The following TRAPPC9 variants were observed in gnomAD, a reference collection of about 807,000 sequenced individuals.
The protein encoded by TRAPPC9 is IKK2 binding protein.
TRAPPC9 carries 83 observed loss-of-function variants against 124.0 expected under a neutral mutation model. The ratio of observed to expected loss-of-function variants is 0.67; its 90% CI spans 0.56 to 0.80. TRAPPC9 has a LOEUF of 0.80. TRAPPC9 is among the 30% of genes least tolerant of loss of function. The pLI is 0.00. For synonymous variants in TRAPPC9, 638 were observed against 617.5 expected (o/e 1.03, Z -0.49); for missense variants, 1,302 against 1,508.3 (o/e 0.86, Z 2.27).
rs555353736 is a variant in TRAPPC9, at chr8:140,284,682, C to A, written c.1982-661G>T. Among the ~76,000 whole-genome samples the A allele has an allele frequency of 3.3e-5, 5 of 152,262 alleles. No homozygotes were observed. In the East Asian group the frequency reaches 9.6e-4, roughly 29 times the overall value. On this transcript the variant is annotated intron_variant, in intron 13 of 22. Coordinates refer to ENST00000438773, the MANE Select transcript of TRAPPC9 (RefSeq NM_001160372.4). ...CACTCTGTAACAAAATTAAACAATA[C>A]CCCATGGCTAGATGCCTAGGGTGAC...
chr8:140,036,366 C>T (rs1840878602), intron 17 of TRAPPC9, among the ~76,000 whole-genome samples: 1 of 152,050 alleles, frequency 6.6e-6, no homozygotes, highest in Non-Finnish European at 1.5e-5. Flanking sequence ...ATGGAGTGAA[C>T]ATTGACGGTC....
chr8:140,001,540 A>G (rs1838404720), intron 18 of TRAPPC9, among the ~76,000 whole-genome samples: 1 of 152,208 alleles, frequency 6.6e-6, no homozygotes, highest in African/African-American at 2.4e-5. Flanking sequence ...AAAAAGATCA[A>G]TGTAATTGAT....
rs1173173422 is a variant in TRAPPC9, at chr8:139,755,623, G to T, written c.3056-23421C>A. ...AGGAGGAGCCAGGGTTGGGGTATAA[G>T]GACAGCAGGTCGCAGGAGGAGCCAG... On this transcript the variant is annotated intron_variant, in intron 21 of 22. Coordinates refer to ENST00000438773, the MANE Select transcript of TRAPPC9 (RefSeq NM_001160372.4). Among the ~76,000 whole-genome samples, 17 of 126,478 alleles carry T rather than the reference G, an allele frequency of 1.3e-4. 1 individual carries two copies. Among genetic ancestry groups the T allele is most frequent in the East Asian group, 2.4e-4 (1 of 4,152 alleles). 83.0% of individuals were successfully genotyped at this position (126,478 alleles called of 152,430 possible). A position where few individuals can be genotyped will look rare whatever the true frequency, so the allele number is the denominator to read the frequency against.
chr8:140,167,017 A>G (rs1423265658), intron 17 of TRAPPC9, among the ~76,000 whole-genome samples: 2 of 152,216 alleles, frequency 1.3e-5, no homozygotes, highest in African/African-American at 4.8e-5. Flanking sequence ...TCGCCATTAT[A>G]GTACTGAAGA....
chr8:140,257,692 T>C lies in TRAPPC9; in HGVS notation c.2279-4763A>G, dbSNP rs910513925. On this transcript the variant is annotated intron_variant, in intron 15 of 22. Coordinates refer to ENST00000438773, the MANE Select transcript of TRAPPC9 (RefSeq NM_001160372.4). This position sits in a 1 kb window ranked among gnomAD's most constrained non-coding sequence, Gnocchi z 4.6. ...CTACTGGAAATGTCTTCCCCTACCT[T>C]CTCTGCCTGGCTGGATTTTCTAGAG... Among the ~76,000 whole-genome samples the C allele has an allele frequency of 6.6e-5, 10 of 152,112 alleles. No individual in the cohort carries two copies. Among genetic ancestry groups the C allele is most frequent in the Admixed American group, 3.3e-4 (5 of 15,268 alleles).
At chr8:140,237,101 A>C (rs944712938) in intron 16 of TRAPPC9, among the ~76,000 whole-genome samples, 1 of 152,112 alleles carries the variant, frequency 6.6e-6, no homozygotes, top group Non-Finnish European at 1.5e-5. Flanking sequence ...GAATCACTTG[A>C]GCCTGGGAGG....
intron 13 of TRAPPC9, 52 bp from the exon 14 acceptor site, chr8:140,284,073 C>T (rs372475821): frequency 1.3e-5 from 21 of 1,611,116 alleles, no homozygotes; most frequent in African/African-American, 8.0e-5. Context: ...TTGGGTCTCA[C>T]GCCCACGGCT....
chr8:140,272,447 C>T (rs1173143840), intron 15 of TRAPPC9, among the ~76,000 whole-genome samples: 1 of 140,288 alleles, frequency 7.1e-6, no homozygotes, highest in Non-Finnish European at 1.6e-5. Context: ...GATGGTGGTG[C>T]TGGTGATGGC....
At chr8:139,749,082 G>A (rs1762016666) in intron 21 of TRAPPC9, among the ~76,000 whole-genome samples, 1 of 152,134 alleles carries the variant, frequency 6.6e-6, no homozygotes, top group African/African-American at 2.4e-5. Context: ...CAAGTTCAAG[G>A]CTGTCTGATC....
At chr8:139,855,059 T>C (rs1827716828) in intron 21 of TRAPPC9, among the ~76,000 whole-genome samples, 1 of 152,200 alleles carries the variant, frequency 6.6e-6, no homozygotes, top group Non-Finnish European at 1.5e-5. Flanking sequence ...CCATTATTTG[T>C]TCATGTCTCT....
chr8:140,215,031 G>C (rs527967396), intron 17 of TRAPPC9, among the ~76,000 whole-genome samples: 1 of 152,298 alleles, frequency 6.6e-6, no homozygotes. Context: ...TACAGCAATA[G>C]ATGTCCCCAC....
chr8:140,308,226 G>C (rs999348862), intron 10 of TRAPPC9, among the ~76,000 whole-genome samples: 1 of 151,888 alleles, frequency 6.6e-6, no homozygotes, highest in Non-Finnish European at 1.5e-5. Context: ...CAAGGAAATA[G>C]GGCGCTCACA....
chr8:140,146,208 A>G (rs539900461), intron 17 of TRAPPC9, among the ~76,000 whole-genome samples: 1 of 152,398 alleles, frequency 6.6e-6, no homozygotes, highest in East Asian at 1.9e-4. Context: ...ATGAGGCTAT[A>G]TCTAATAAAT....
intron 21 of TRAPPC9, among the ~76,000 whole-genome samples, chr8:139,807,244 T>C (rs1824130413): frequency 6.6e-6 from 1 of 152,168 alleles, no homozygotes. Flanking sequence ...GACACCATTG[T>C]TGCCAAGGCC....
chr8:140,018,324 A>ATTTTTTCTTTTTTTTTTTTTTTTTTT lies in TRAPPC9; in HGVS notation c.2699+5612_2699+5613insAAAAAAAAAAAAAAAAAAAGAAAAAA, dbSNP rs765656679. 1.3e-4 allele frequency among the ~76,000 whole-genome samples: 15 copies of ATTTTTTCTTTTTTTTTTTTTTTTTTT among 119,774 alleles called. 7 individuals are homozygous for ATTTTTTCTTTTTTTTTTTTTTTTTTT. Among genetic ancestry groups the ATTTTTTCTTTTTTTTTTTTTTTTTTT allele is most frequent in the African/African-American group, 2.3e-4 (7 of 30,664 alleles). The allele number at this position is 119,774 out of a possible 152,430, so 78.6% of individuals were successfully genotyped here. A position where few individuals can be genotyped will look rare whatever the true frequency, so the allele number is the denominator to read the frequency against. On this transcript the variant is annotated intron_variant, in intron 18 of 22. Transcript: ENST00000438773. ...TTGCTGGTATATAGAAACGTAAGTG[A>ATTTTTTCTTTTTTTTTTTTTTTTTTT]TTTTTTTTTTTTTTTTTGAGACGGA...
intron 21 of TRAPPC9, among the ~76,000 whole-genome samples, chr8:139,803,414 G>A (rs1051963051): frequency 2.0e-5 from 3 of 152,228 alleles, no homozygotes; most frequent in African/African-American, 7.2e-5. Flanking sequence ...TGCCTCTGAT[G>A]AACCACACAC....
intron 20 of TRAPPC9, among the ~76,000 whole-genome samples, chr8:139,899,098 A>T (rs1302830812): frequency 1.3e-5 from 2 of 150,492 alleles, no homozygotes; most frequent in East Asian, 3.9e-4. Context: ...CCAGCCTGGG[A>T]AACAAGAACA....
chr8:139,920,084 G>A (rs144019957), intron 19 of TRAPPC9, among the ~76,000 whole-genome samples: 47 of 152,312 alleles, frequency 3.1e-4, no homozygotes, highest in African/African-American at 9.6e-4. Flanking sequence ...GGTGGCTCAC[G>A]CCTGTAATCC....
chr8:139,851,144 C>G (rs532181489), intron 21 of TRAPPC9, among the ~76,000 whole-genome samples: 197 of 152,282 alleles, frequency 1.3e-3, no homozygotes, highest in African/African-American at 4.6e-3. Context: ...AGAGGAACTT[C>G]TGTATAACAA....
Sources: allele counts gnomAD v4.1 joint callset (sites outside exome capture counted in the v4.1 genomes callset), GRCh38; gene constraint gnomAD v4.1.1; non-coding constraint Gnocchi (gnomAD v3.1); transcripts MANE v1.5; gene names NCBI Gene and HGNC (gene_info 2026-07-23, HGNC 2026-07-21).